The following CTNNA2 variants were observed in gnomAD, a reference collection of about 807,000 sequenced individuals.
CTNNA2 encodes the protein catenin alpha-2.
A neutral mutation model predicts 101.0 loss-of-function variants in CTNNA2; 42 were observed. That is an observed-to-expected ratio of 0.42 (90% CI 0.32 to 0.54). The LOEUF is 0.54. Ranked by LOEUF, CTNNA2 falls within the 20% of genes least tolerant of loss-of-function variation. The pLI is 0.14. For missense variants in CTNNA2, 871 were observed against 1,223.1 expected (o/e 0.71, Z 4.29); for synonymous variants, 450 against 456.4 (o/e 0.99, Z 0.18).
chr2:79,390,466 T>C (rs893442833), intron 4 of CTNNA2, among the ~76,000 whole-genome samples: 1 of 152,218 alleles, frequency 6.6e-6, no homozygotes, highest in Non-Finnish European at 1.5e-5. Flanking sequence ...TCTCACCTCC[T>C]CCGTTATACC....
At chr2:79,757,492 C>A (rs908492042) in intron 3 of CTNNA2, among the ~76,000 whole-genome samples, 13 of 152,058 alleles carry the variant, frequency 8.5e-5, no homozygotes, top group African/African-American at 3.1e-4. Context: ...CTAAGTAAAA[C>A]CATTCTTGTG....
chr2:79,825,618 G>A (rs992859481), intron 3 of CTNNA2, among the ~76,000 whole-genome samples: 3 of 152,034 alleles, frequency 2.0e-5, no homozygotes, highest in Admixed American at 6.6e-5. Context: ...GATTAAGAAG[G>A]CCTATGACAC....
At chr2:79,616,432 T>C (rs538530898) in intron 1 of CTNNA2, among the ~76,000 whole-genome samples, 12 of 152,332 alleles carry the variant, frequency 7.9e-5, no homozygotes, top group African/African-American at 2.9e-4. Flanking sequence ...ATTTAAAGAA[T>C]GTTAGTCTTG....
At chr2:80,556,710 A>G (rs909762183) in intron 12 of CTNNA2, among the ~76,000 whole-genome samples, 1 of 142,912 alleles carries the variant, frequency 7.0e-6, no homozygotes, top group Non-Finnish European at 1.6e-5. Context: ...CTTGATTTAT[A>G]TATATGAGAT....
rs112073527 is a variant in CTNNA2, at chr2:79,451,520, C to G, written c.-134-53534C>G. ...TATGGTCAAGAGGTTAGTAATCATT[C>G]GTTTGTAATATAATCTCACTGTACA... is the stretch of plus-strand genomic sequence containing the variant. On this transcript the variant is annotated intron_variant, in intron 4 of 21. Coordinates refer to the CTNNA2 transcript ENST00000466387. Among the ~76,000 whole-genome samples, 335 of 151,818 alleles carry G rather than the reference C, an allele frequency of 2.2e-3. 1 individual carries two copies. Among genetic ancestry groups the G allele is most frequent in the African/African-American group, 7.7e-3 (317 of 41,416 alleles).
intron 3 of CTNNA2, among the ~76,000 whole-genome samples, chr2:79,830,151 C>G (rs1558560826): frequency 6.6e-6 from 1 of 151,844 alleles, no homozygotes; most frequent in African/African-American, 2.4e-5. Flanking sequence ...CGAAACATGT[C>G]TCAAGTTATC....
intron 6 of CTNNA2, among the ~76,000 whole-genome samples, chr2:79,894,063 T>TTCG (rs772035711): frequency 1.6e-5 from 1 of 61,320 alleles, no homozygotes; most frequent in Admixed American, 2.2e-4. Context: ...CTTCTTCTTC[T>TTCG]TCCTCCTCCT....
At chr2:79,847,300 T>G (rs1558576149) in intron 3 of CTNNA2, among the ~76,000 whole-genome samples, 2 of 151,868 alleles carry the variant, frequency 1.3e-5, no homozygotes, top group African/African-American at 2.4e-5. Flanking sequence ...ATCCCAGCAC[T>G]TTGGGAGGCT....
chr2:80,275,347 T>G (rs1278896107), intron 7 of CTNNA2, among the ~76,000 whole-genome samples: 1 of 152,248 alleles, frequency 6.6e-6, no homozygotes, highest in Non-Finnish European at 1.5e-5. Context: ...AAAAGCATTC[T>G]TCATTTTAAT....
intron 7 of CTNNA2, among the ~76,000 whole-genome samples, chr2:80,138,887 G>A (rs1429019160): frequency 2.0e-5 from 3 of 152,042 alleles, no homozygotes; most frequent in African/African-American, 4.8e-5. Flanking sequence ...ACCAAGATGT[G>A]TCCACTTTTT....
intron 4 of CTNNA2, among the ~76,000 whole-genome samples, chr2:79,413,068 G>A (rs958314244): frequency 6.6e-5 from 10 of 152,010 alleles, no homozygotes; most frequent in African/African-American, 2.4e-4. Context: ...CAGGGTCAAA[G>A]TTTTGTTCCT....
intron 2 of CTNNA2, among the ~76,000 whole-genome samples, chr2:79,207,875 A>C (rs1010683725): frequency 6.6e-6 from 1 of 152,204 alleles, no homozygotes; most frequent in Non-Finnish European, 1.5e-5. Flanking sequence ...CTTGTTTTGC[A>C]AGATTTTCCT....
intron 7 of CTNNA2, among the ~76,000 whole-genome samples, chr2:80,280,666 C>T (rs1674306588): frequency 6.6e-6 from 1 of 151,968 alleles, no homozygotes; most frequent in Non-Finnish European, 1.5e-5. Context: ...AAGGGTGGTC[C>T]AAAAATGTTC....
At chr2:80,041,283 A>G (rs1225770118) in intron 7 of CTNNA2, among the ~76,000 whole-genome samples, 5 of 148,390 alleles carry the variant, frequency 3.4e-5, no homozygotes, top group African/African-American at 1.2e-4. Flanking sequence ...TTTTTTTTTT[A>G]CTTATCGGCT....
chr2:79,346,327 C>G (rs1011615483), intron 3 of CTNNA2, among the ~76,000 whole-genome samples: 3 of 152,028 alleles, frequency 2.0e-5, no homozygotes, highest in Non-Finnish European at 4.4e-5. Context: ...TACAAAGAAC[C>G]CTGTTGCTAT....
At chr2:79,479,351 T>C (rs2104554646) in intron 4 of CTNNA2, among the ~76,000 whole-genome samples, 1 of 152,290 alleles carries the variant, frequency 6.6e-6, no homozygotes, top group African/African-American at 2.4e-5. Context: ...CTAACCCTCT[T>C]TGACTCAATG....
intron 4 of CTNNA2, among the ~76,000 whole-genome samples, chr2:79,858,905 G>A (rs1262503195): frequency 6.6e-6 from 1 of 151,342 alleles, no homozygotes; most frequent in East Asian, 1.9e-4. Context: ...AGTGATTAAG[G>A]CTACCTCCCC....
At chr2:79,697,354 T>G (rs1197931455) in intron 2 of CTNNA2, among the ~76,000 whole-genome samples, 3 of 152,060 alleles carry the variant, frequency 2.0e-5, no homozygotes, top group Non-Finnish European at 4.4e-5. Context: ...CTCCATTTCT[T>G]GTGTATTATA....
Position 80,448,766 on chromosome 2 carries a change from G to A in CTNNA2, c.1290+29165G>A, listed in dbSNP as rs150092323. Among the ~76,000 whole-genome samples, 167 of 152,176 alleles carry A rather than the reference G, an allele frequency of 1.1e-3. 1 individual carries two copies. The highest frequency in any genetic ancestry group is 3.8e-3 in the African/African-American group (159 of 41,494). On this transcript the variant is annotated intron_variant, in intron 9 of 18. Coordinates refer to ENST00000402739, the MANE Select transcript of CTNNA2 (RefSeq NM_001282597.3). The stretch of plus-strand genomic sequence containing the variant: ...GCTGATAAAATATCATGTATCCCAG[G>A]AGCCTGTATGTTAGCAGGGTCTTCA...
Sources: gnomAD v4.1 joint callset for allele counts (sites outside exome capture counted in the v4.1 genomes callset) on GRCh38, gnomAD v4.1.1 for gene constraint, MANE v1.5 for transcripts, NCBI Gene and HGNC (gene_info 2026-07-23, HGNC 2026-07-21) for gene names.